ANKFN1: variants seen among roughly 807,000 people sequenced by gnomAD.
ANKFN1 encodes ankyrin repeat and fibronectin type III domain containing 1, also known as ankyrin repeat and fibronectin type-III domain-containing protein 1.
ANKFN1 carries 74 observed loss-of-function variants against 108.7 expected under a neutral mutation model. The observed-to-expected ratio is 0.68, with a 90% CI of 0.56 to 0.83. The LOEUF (loss-of-function observed/expected upper bound fraction) is 0.83, where lower values mean the gene tolerates loss of function less well. ANKFN1 is among the 40% of genes least tolerant of loss of function. ANKFN1 has a pLI of 0.00. For missense variants in ANKFN1, 1,505 were observed against 1,382.3 expected, an observed-to-expected ratio of 1.09 and a Z score of -1.41; for synonymous variants, 547 against 516.2, an observed-to-expected ratio of 1.06 and a Z score of -0.81.
intron 4 of ANKFN1, among the ~76,000 whole-genome samples, chr17:56,067,806 C>T (rs1037175224): frequency 2.0e-5 from 3 of 151,844 alleles, no homozygotes; most frequent in African/African-American, 4.8e-5. Flanking sequence ...AGTGCAAAAA[C>T]CAATAAAGCA....
intron 19 of ANKFN1, among the ~76,000 whole-genome samples, chr17:56,494,958 A>G (rs536481996): frequency 6.6e-6 from 1 of 151,978 alleles, no homozygotes; most frequent in African/African-American, 2.4e-5. Flanking sequence ...TTTCTTTTTC[A>G]TGTAGCCTAG....
At chr17:56,046,547 C>CT (rs1180176513) in intron 4 of ANKFN1, among the ~76,000 whole-genome samples, 3 of 151,818 alleles carry the variant, frequency 2.0e-5, no homozygotes, top group Non-Finnish European at 4.4e-5. Context: ...GACATATTTT[C>CT]TTTTTTTTCC....
chr17:56,363,283 C>A lies in ANKFN1; in HGVS notation c.601+9237C>A, dbSNP rs1466876845. Reference sequence around the variant, plus strand: ...CTGAATAGGGTTTCTTAAAAGAAGACATACAAATGACCAACAGATATATGG... The same window carrying A: ...CTGAATAGGGTTTCTTAAAAGAAGAAATACAAATGACCAACAGATATATGG... On this transcript the variant is annotated intron_variant, in intron 6 of 20. Transcript: ENST00000682825. Among the ~76,000 whole-genome samples the A allele has an allele frequency of 2.6e-5, 4 of 152,162 alleles. 1 individual carries two copies. Among genetic ancestry groups the A allele is most frequent in the Middle Eastern group, 3.4e-3 (1 of 292 alleles).
At chr17:56,481,104 A>AT (rs1261238011) in intron 17 of ANKFN1, among the ~76,000 whole-genome samples, 2 of 151,050 alleles carry the variant, frequency 1.3e-5, no homozygotes, top group African/African-American at 4.9e-5. Flanking sequence ...AAAAAAAAAA[A>AT]TCAATGGCTA....
intron 3 of ANKFN1, among the ~76,000 whole-genome samples, chr17:56,302,880 G>T (rs1250433264): frequency 2.0e-5 from 3 of 152,100 alleles, no homozygotes; most frequent in Non-Finnish European, 1.5e-5. Context: ...ATAGCTGCAT[G>T]GTATTCTATT....
intron 1 of ANKFN1, among the ~76,000 whole-genome samples, chr17:56,202,995 T>G (rs1417480388): frequency 6.6e-6 from 1 of 152,222 alleles, no homozygotes; most frequent in Admixed American, 6.5e-5. Flanking sequence ...CTATCACTGT[T>G]GTCTTTTTAG....
intron 4 of ANKFN1, among the ~76,000 whole-genome samples, chr17:56,093,405 T>C (rs757857773): frequency 5.3e-5 from 8 of 151,060 alleles, no homozygotes; most frequent in Non-Finnish European, 1.0e-4. Flanking sequence ...AACGTGCCAG[T>C]GGCTCCAGAG....
Position 56,242,932 on chromosome 17 carries a change from A to G in ANKFN1, c.53+14975A>G, listed in dbSNP as rs539100480. Among the ~76,000 whole-genome samples the G allele has an allele frequency of 3.3e-5, 5 of 152,126 alleles. No homozygotes were observed. In the East Asian group the frequency reaches 7.7e-4, roughly 24 times the overall value. On this transcript the variant is annotated intron_variant, in intron 3 of 20. Transcript: ENST00000682825. ...TTTCTGCCTCTATGGAGATGATGCTATGATTTTGTTCTGTGTTCCTTTCAT... is the reference window on the plus strand; with the variant it reads ...TTTCTGCCTCTATGGAGATGATGCTGTGATTTTGTTCTGTGTTCCTTTCAT...
At chr17:56,417,703 A>G (rs1472379579) in intron 8 of ANKFN1, among the ~76,000 whole-genome samples, 16 of 152,196 alleles carry the variant, frequency 1.1e-4, no homozygotes, top group Admixed American at 9.8e-4. Context: ...TCTGAAGAGA[A>G]TTGATCCATG....
At chr17:56,301,446 G>A (rs1188470526) in intron 3 of ANKFN1, among the ~76,000 whole-genome samples, 1 of 152,170 alleles carries the variant, frequency 6.6e-6, no homozygotes, top group East Asian at 1.9e-4. Context: ...TCATCTGGCT[G>A]GCTTATCTCA....
chr17:56,128,118 T>G (rs1210204264), intron 4 of ANKFN1, among the ~76,000 whole-genome samples: 1 of 152,162 alleles, frequency 6.6e-6, no homozygotes, highest in Non-Finnish European at 1.5e-5. Context: ...TAGTCTGCAC[T>G]GTAACCACCC....
chr17:56,451,569 T>C (rs2049489043), intron 11 of ANKFN1, among the ~76,000 whole-genome samples: 1 of 152,168 alleles, frequency 6.6e-6, no homozygotes, highest in African/African-American at 2.4e-5. Flanking sequence ...TATTTCAGAT[T>C]CCAATTCTAC....
rs191978678 is a variant in ANKFN1 at position 56,455,732 on chromosome 17, G to A, written c.1208-1129G>A. On this transcript the variant is annotated intron_variant, in intron 11 of 20. Coordinates refer to ENST00000682825, the MANE Select transcript of ANKFN1 (RefSeq NM_001370326.1). ...ATAGGAAGCCTACTACCTTTATTAG[G>A]GCAAGCTCCATGTTATAAGCAGAAG... 1.4e-4 allele frequency among the ~76,000 whole-genome samples: 21 copies of A among 152,188 alleles called. 1 individual carries two copies. The highest frequency in any genetic ancestry group is 1.3e-4 in the Admixed American group (2 of 15,286).
At chr17:56,049,281 G>A (rs532160213) in intron 4 of ANKFN1, among the ~76,000 whole-genome samples, 76 of 152,266 alleles carry the variant, frequency 5.0e-4, no homozygotes, top group African/African-American at 1.8e-3. Flanking sequence ...ATGCCCAGTG[G>A]CAACCACACA....
At chr17:56,304,994 G>A (rs1169697762) in intron 3 of ANKFN1, among the ~76,000 whole-genome samples, 1 of 152,122 alleles carries the variant, frequency 6.6e-6, no homozygotes, top group Non-Finnish European at 1.5e-5. Context: ...CTGCTGTAAG[G>A]ACATACCTGA....
intron 1 of ANKFN1, among the ~76,000 whole-genome samples, chr17:56,208,286 G>T (rs1022065878): frequency 2.6e-5 from 4 of 152,208 alleles, no homozygotes; most frequent in Non-Finnish European, 5.9e-5. Flanking sequence ...CTCCCAAAGT[G>T]CTGGGATTAC....
chr17:56,186,089 GTT>G (rs1912175306), intron 1 of ANKFN1, among the ~76,000 whole-genome samples: 1 of 152,054 alleles, frequency 6.6e-6, no homozygotes, highest in South Asian at 2.1e-4. Flanking sequence ...TTCTACTTTT[GTT>G]TTGTTTTACA....
intron 17 of ANKFN1, among the ~76,000 whole-genome samples, chr17:56,481,511 C>T (rs1032786950): frequency 3.6e-4 from 55 of 151,378 alleles, no homozygotes; most frequent in African/African-American, 1.2e-3. Flanking sequence ...CACACACACA[C>T]GCACACACAC....
intron 3 of ANKFN1, among the ~76,000 whole-genome samples, chr17:56,250,126 A>G (rs1195183476): frequency 6.6e-6 from 1 of 152,178 alleles, no homozygotes; most frequent in Non-Finnish European, 1.5e-5. Flanking sequence ...AAAGACAACA[A>G]TAACCCAAGG....
Sources: allele counts gnomAD v4.1 joint callset (sites outside exome capture counted in the v4.1 genomes callset), GRCh38; gene constraint gnomAD v4.1.1; transcripts MANE v1.5; gene names NCBI Gene and HGNC (gene_info 2026-07-23, HGNC 2026-07-21).